SGCZ: variants seen among roughly 807,000 people sequenced by gnomAD.
SGCZ encodes sarcoglycan zeta, also known as zeta-sarcoglycan.
A neutral mutation model predicts 41.3 loss-of-function variants in SGCZ; 40 were observed. That is an observed-to-expected ratio of 0.97 (90% CI 0.75 to 1.26). The LOEUF is 1.26. Ranked by LOEUF, SGCZ falls within the 50% of genes most tolerant of loss-of-function variation. The pLI is 0.00. For synonymous variants in SGCZ, 206 were observed against 137.5 expected (o/e 1.50, Z -3.49); for missense variants, 552 against 369.8 (o/e 1.49, Z -4.04).
At chr8:14,441,330 A>C (rs10086381) in intron 2 of SGCZ, among the ~76,000 whole-genome samples, 6,654 of 152,250 alleles carry the variant, frequency 0.044, 309 homozygotes, top group African/African-American at 0.11. Context: ...TAATCCCAGC[A>C]CTTTGGGAGG....
rs576246438 is a variant in SGCZ, at chr8:14,120,415, A to T, written c.548-12180T>A. Among the ~76,000 whole-genome samples the T allele has an allele frequency of 1.6e-4, 25 of 152,260 alleles. No homozygotes were observed. The East Asian group carries it at 4.4e-3, about 27-fold the overall frequency. On this transcript the variant is annotated intron_variant, in intron 5 of 7. Coordinates refer to ENST00000382080, the MANE Select transcript of SGCZ (RefSeq NM_139167.4). ...CATAACCTCTATCAACATCAAACTTATTGGTGACATGCTGAAACATTTCAT... is the reference window on the plus strand; with the variant it reads ...CATAACCTCTATCAACATCAAACTTTTTGGTGACATGCTGAAACATTTCAT...
chr8:14,783,880 T>C (rs1800667545), intron 1 of SGCZ, among the ~76,000 whole-genome samples: 1 of 152,174 alleles, frequency 6.6e-6, no homozygotes, highest in Admixed American at 6.5e-5. Context: ...CAAAGATAAG[T>C]GGAAAGTTTC....
In SGCZ at chr8:14,089,772, T is replaced by C. The variant is rs1801629683; in HGVS notation, c.*671A>G. 6.6e-6 allele frequency: 1 copy of C among 152,120 alleles called. No individual in the cohort carries two copies. The highest frequency in any genetic ancestry group is 2.1e-4 in the South Asian group (1 of 4,836). 9.4% of individuals were successfully genotyped at this position (152,120 alleles called of 1,614,324 possible). A position where few individuals can be genotyped will look rare whatever the true frequency, so the allele number is the denominator to read the frequency against. ...GTTAATTCTGTAAAGGATATATTGC[T>C]GAGTGCTTTCAAAATTACCTGATGT... On this transcript the variant is annotated 3_prime_UTR_variant, in exon 8 of 8. Coordinates refer to ENST00000382080, the MANE Select transcript of SGCZ (RefSeq NM_139167.4).
chr8:14,552,927 T>C (rs1310549856), intron 2 of SGCZ, among the ~76,000 whole-genome samples: 1 of 152,114 alleles, frequency 6.6e-6, no homozygotes, highest in African/African-American at 2.4e-5. Flanking sequence ...GCATCATTCA[T>C]GAGCTTTTGA....
chr8:14,590,242 A>G (rs1159996661), intron 1 of SGCZ, among the ~76,000 whole-genome samples: 1 of 152,144 alleles, frequency 6.6e-6, no homozygotes, highest in African/African-American at 2.4e-5. Flanking sequence ...TGAATAAAAA[A>G]GCAAAAATAA....
At chr8:15,190,620 G>A (rs754113620) in intron 1 of SGCZ, among the ~76,000 whole-genome samples, 2 of 151,420 alleles carry the variant, frequency 1.3e-5, no homozygotes, top group Non-Finnish European at 2.9e-5. Context: ...TCATTCAGAT[G>A]TTTTTCAGAT....
At chr8:15,189,936 T>C (rs1319931334) in intron 1 of SGCZ, among the ~76,000 whole-genome samples, 2 of 152,180 alleles carry the variant, frequency 1.3e-5, no homozygotes, top group Admixed American at 6.6e-5. Context: ...ATTGATTTCC[T>C]TTGTTCCACA....
intron 1 of SGCZ, among the ~76,000 whole-genome samples, chr8:15,149,134 C>A (rs1563151604): frequency 1.3e-5 from 2 of 152,020 alleles, no homozygotes; most frequent in Non-Finnish European, 2.9e-5. Context: ...CACAGCAGGT[C>A]AGAGGCTCTG....
At chr8:14,727,399 G>A (rs931854082) in intron 1 of SGCZ, among the ~76,000 whole-genome samples, 1 of 152,014 alleles carries the variant, frequency 6.6e-6, no homozygotes, top group Non-Finnish European at 1.5e-5. Flanking sequence ...AATGGAAAAA[G>A]TACTTTGGAA....
chr8:14,769,997 A>C (rs1487096941), intron 1 of SGCZ, among the ~76,000 whole-genome samples: 1 of 151,790 alleles, frequency 6.6e-6, no homozygotes, highest in Non-Finnish European at 1.5e-5. Flanking sequence ...GTGGTTCCTG[A>C]ATATACCATG....
intron 5 of SGCZ, among the ~76,000 whole-genome samples, chr8:14,119,308 T>C (rs1425860557): frequency 2.6e-5 from 4 of 152,160 alleles, no homozygotes; most frequent in East Asian, 1.9e-4. Flanking sequence ...CTAGGTATTT[T>C]ATTATCTTTA....
chr8:14,920,430 T>A (rs957268767), intron 1 of SGCZ, among the ~76,000 whole-genome samples: 1 of 152,168 alleles, frequency 6.6e-6, no homozygotes, highest in Non-Finnish European at 1.5e-5. Context: ...TTACAAAGAC[T>A]GCATTTAAAG....
intron 2 of SGCZ, among the ~76,000 whole-genome samples, chr8:14,424,442 A>C (rs1799720388): frequency 6.6e-6 from 1 of 152,188 alleles, no homozygotes; most frequent in African/African-American, 2.4e-5. Flanking sequence ...CGTCCTATCA[A>C]AAGAAGTGGA....
intron 1 of SGCZ, among the ~76,000 whole-genome samples, chr8:15,141,762 C>T (rs967099569): frequency 1.3e-5 from 2 of 152,124 alleles, no homozygotes; most frequent in Admixed American, 1.3e-4. Flanking sequence ...ATCAACTCGG[C>T]GTGGTGGTGC....
chr8:14,497,743 A>C (rs1802033667), intron 2 of SGCZ, among the ~76,000 whole-genome samples: 1 of 152,132 alleles, frequency 6.6e-6, no homozygotes, highest in South Asian at 2.1e-4. Context: ...CCCATGATCT[A>C]ATACCTCCCA....
intron 7 of SGCZ, among the ~76,000 whole-genome samples, chr8:14,092,662 A>C (rs974530760): frequency 1.3e-5 from 2 of 151,702 alleles, no homozygotes; most frequent in South Asian, 2.1e-4. Context: ...TAAGGGGGAA[A>C]CCCCTTTCAC....
intron 2 of SGCZ, among the ~76,000 whole-genome samples, chr8:14,346,505 C>G (rs374775656): frequency 6.6e-6 from 1 of 151,904 alleles, no homozygotes; most frequent in African/African-American, 2.4e-5. Flanking sequence ...GTTAGGTGAA[C>G]CCACTCATTA....
At chr8:14,779,500 C>T (rs1019187162) in intron 1 of SGCZ, among the ~76,000 whole-genome samples, 3 of 152,148 alleles carry the variant, frequency 2.0e-5, no homozygotes, top group African/African-American at 4.8e-5. Context: ...AATTTGCTTA[C>T]TGAGTTGCTT....
intron 5 of SGCZ, among the ~76,000 whole-genome samples, chr8:14,122,830 A>C (rs1450287111): frequency 4.0e-5 from 1 of 25,162 alleles, no homozygotes; most frequent in Non-Finnish European, 6.6e-5. Flanking sequence ...GGGAAACATT[A>C]TCACATCTTA....
Sources: gnomAD v4.1 joint callset for allele counts (sites outside exome capture counted in the v4.1 genomes callset) on GRCh38, gnomAD v4.1.1 for gene constraint, MANE v1.5 for transcripts, NCBI Gene and HGNC (gene_info 2026-07-23, HGNC 2026-07-21) for gene names.